Variants in TYW3 observed in about 807,000 individuals in gnomAD.
TYW3 encodes the protein tRNA-yW synthesizing protein 3 homolog, also known as tRNA wybutosine-synthesizing protein 3 homolog.
Under a neutral mutation model 23.1 loss-of-function variants are expected in TYW3, and 26 were observed. That is an observed-to-expected ratio of 1.13 (90% CI 0.83 to 1.56). TYW3 has a LOEUF of 1.56. Ranked by LOEUF, TYW3 falls within the 40% of genes most tolerant of loss-of-function variation. The probability of loss-of-function intolerance (pLI) is 0.00; values close to 1 mark genes in which losing one functional copy is unlikely to be tolerated. For synonymous variants in TYW3, 102 were observed against 105.7 expected (o/e 0.97, Z 0.21); for missense variants, 316 against 311.9 (o/e 1.01, Z -0.10).
chr1:74,747,122 A>C (rs1354416818), intron 3 of TYW3, among the ~76,000 whole-genome samples: 2 of 152,194 alleles, frequency 1.3e-5, no homozygotes, highest in East Asian at 3.9e-4. Context: ...AGAGTGAAAG[A>C]AGAGACTAAT....
chr1:74,733,268 G>A lies in TYW3; in HGVS notation c.24G>A (p.Arg8=). ...CCATGGATCGCAGCGCGGAGTTCAGGAAATGGAAGGCGCAATGTTTGAGCA... is the reference window on the plus strand; with the variant it reads ...CCATGGATCGCAGCGCGGAGTTCAGAAAATGGAAGGCGCAATGTTTGAGCA... MDRSAEF[R]KWKAQCLSKA... is the part of the protein sequence containing the mutation. Residue 8 remains arginine, a synonymous_variant, in exon 1 of 6, where the codon AGG becomes AGA. Coordinates refer to ENST00000370867, the MANE Select transcript of TYW3 (RefSeq NM_138467.3). 15 of 1,614,172 alleles carry A rather than the reference G, an allele frequency of 9.3e-6. No individual in the cohort carries two copies. The highest frequency in any genetic ancestry group is 1.3e-5 in the Non-Finnish European group (15 of 1,180,022).
At chr1:74,752,168 CTAACT>C in intron 4 of TYW3, 119 bp from the exon 5 acceptor site, 1 of 961,390 alleles carries the variant, frequency 1.0e-6, no homozygotes, top group Non-Finnish European at 1.5e-6. Flanking sequence ...TATCAAAGCG[CTAACT>C]TAACTGTTGT....
chr1:74,751,911 C>T (rs1238348933), intron 4 of TYW3, among the ~76,000 whole-genome samples: 1 of 152,142 alleles, frequency 6.6e-6, no homozygotes. Flanking sequence ...CACTGAGACC[C>T]TTTGGCATCC....
intron 3 of TYW3, among the ~76,000 whole-genome samples, chr1:74,745,094 G>T (rs1434524030): frequency 6.6e-6 from 1 of 152,060 alleles, no homozygotes; most frequent in African/African-American, 2.4e-5. Context: ...AGCTCTTAAA[G>T]GTGGCCCATC....
chr1:74,757,367 C>T (rs1025929268), intron 5 of TYW3, among the ~76,000 whole-genome samples: 1 of 152,188 alleles, frequency 6.6e-6, no homozygotes, highest in African/African-American at 2.4e-5. Flanking sequence ...GGCAGAGCTG[C>T]CCAAGACTAT....
At chr1:74,761,156 T>C (rs1359568906) in intron 5 of TYW3, among the ~76,000 whole-genome samples, 1 of 152,148 alleles carries the variant, frequency 6.6e-6, no homozygotes, top group African/African-American at 2.4e-5. Flanking sequence ...TAAGTGTTAC[T>C]GTATAAGGGG....
Position 74,733,424 on chromosome 1 carries a change from G to A in TYW3, c.174+6G>A, listed in dbSNP as rs777555615. 1.2e-6 allele frequency: 2 copies of A among 1,613,796 alleles called. No homozygotes were observed. The highest frequency in any genetic ancestry group is 1.7e-6 in the Non-Finnish European group (2 of 1,179,810). ...GCATCCTACTCCTTGACCGGGTGAG[G>A]CCCCTTTGCGCCTGTCCATCGCCTG... is the stretch of plus-strand genomic sequence containing the variant. On this transcript the variant is annotated splice_donor_region_variant and intron_variant, in intron 1 of 5. Coordinates refer to ENST00000370867, the MANE Select transcript of TYW3 (RefSeq NM_138467.3).
intron 1 of TYW3, among the ~76,000 whole-genome samples, chr1:74,734,747 G>A (rs1648081255): frequency 6.6e-6 from 1 of 152,146 alleles, no homozygotes. Context: ...CCTGTTCTAT[G>A]AACTGAGGAT....
rs753549675 is a variant in TYW3, at chr1:74,748,837, C to T, written c.426+15C>T. On this transcript the variant is annotated intron_variant, in intron 4 of 5. Coordinates refer to ENST00000370867, the MANE Select transcript of TYW3 (RefSeq NM_138467.3). ...AAACTATGTTGGTAAGATATTTTGTCAAAGAGTAATTTTTTTAGTGTAAAG... is the reference window on the plus strand; with the variant it reads ...AAACTATGTTGGTAAGATATTTTGTTAAAGAGTAATTTTTTTAGTGTAAAG... The T allele has an allele frequency of 6.2e-7, 1 of 1,612,382 alleles. No individual in the cohort carries two copies. The highest frequency in any genetic ancestry group is 8.5e-7 in the Non-Finnish European group (1 of 1,178,706).
rs546945288 is a variant in TYW3, at chr1:74,744,608, G to A, written c.355-4143G>A. Among the ~76,000 whole-genome samples the A allele has an allele frequency of 1.8e-4, 28 of 152,178 alleles. No individual in the cohort carries two copies. The South Asian group carries it at 4.2e-3, about 23-fold the overall frequency. On this transcript the variant is annotated intron_variant, in intron 3 of 5. Transcript: ENST00000370867. Reference sequence around the variant, plus strand: ...AATAGGCGATTGTCCCATCTGGGTCGCCAAAATGTGTCCCATCTGGGTCGC... The same window carrying A: ...AATAGGCGATTGTCCCATCTGGGTCACCAAAATGTGTCCCATCTGGGTCGC...
chr1:74,762,050 CTG>C (rs1189446178), intron 5 of TYW3, among the ~76,000 whole-genome samples: 1 of 152,042 alleles, frequency 6.6e-6, no homozygotes, highest in Non-Finnish European at 1.5e-5. Context: ...AAATTTAACT[CTG>C]TGTCTGTTTT....
chr1:74,735,736 C>T (rs755356865), intron 1 of TYW3, among the ~76,000 whole-genome samples: 2 of 152,140 alleles, frequency 1.3e-5, no homozygotes, highest in African/African-American at 4.8e-5. Flanking sequence ...TCACCATCAC[C>T]GAAGTCATAC....
chr1:74,745,597 C>T (rs1382889029), intron 3 of TYW3, among the ~76,000 whole-genome samples: 3 of 152,204 alleles, frequency 2.0e-5, no homozygotes, highest in African/African-American at 4.8e-5. Flanking sequence ...CAGAAAAGTT[C>T]TCCAAATCCC....
chr1:74,748,658 T>G, intron 3 of TYW3, 93 bp from the exon 4 acceptor site: 1 of 1,300,446 alleles, frequency 7.7e-7, no homozygotes, highest in Non-Finnish European at 1.1e-6. Flanking sequence ...TTAATAGCTT[T>G]TAGGGTTATA....
chr1:74,762,519 T>C (rs1007666404), intron 5 of TYW3, among the ~76,000 whole-genome samples: 1 of 152,100 alleles, frequency 6.6e-6, no homozygotes, highest in Non-Finnish European at 1.5e-5. Context: ...TTCAATATAG[T>C]CTTACTGAGT....
chr1:74,749,936 A>G (rs1415125873), intron 4 of TYW3, among the ~76,000 whole-genome samples: 1 of 152,164 alleles, frequency 6.6e-6, no homozygotes, highest in African/African-American at 2.4e-5. Context: ...GGCTGGACAG[A>G]GCAAGACTCT....
intron 5 of TYW3, among the ~76,000 whole-genome samples, chr1:74,755,853 G>A (rs1237174587): frequency 6.6e-6 from 1 of 152,194 alleles, no homozygotes; most frequent in African/African-American, 2.4e-5. Flanking sequence ...ATATGGTTTG[G>A]CTTTGTCCTC....
At chr1:74,747,779 A>ATACACATGTGTACATATATATG (rs1557746407) in intron 3 of TYW3, among the ~76,000 whole-genome samples, 5 of 151,466 alleles carry the variant, frequency 3.3e-5, no homozygotes, top group Non-Finnish European at 7.4e-5. Flanking sequence ...ATGTGTGTAT[A>ATACACATGTGTACATATATATG]TGTATACACA....
intron 5 of TYW3, among the ~76,000 whole-genome samples, chr1:74,755,472 G>T (rs1463957784): frequency 6.6e-6 from 1 of 152,206 alleles, no homozygotes; most frequent in Non-Finnish European, 1.5e-5. Context: ...CTTCGTTAAT[G>T]TAGGATTCAT....
Sources: allele counts gnomAD v4.1 joint callset (sites outside exome capture counted in the v4.1 genomes callset), GRCh38; gene constraint gnomAD v4.1.1; transcripts MANE v1.5; gene names NCBI Gene and HGNC (gene_info 2026-07-23, HGNC 2026-07-21).